ARHGDIB: variants seen among roughly 807,000 people sequenced by gnomAD.
ARHGDIB encodes Rho GDP dissociation inhibitor beta, also known as rho GDP-dissociation inhibitor 2.
In ARHGDIB, 20 loss-of-function variants were observed where a neutral mutation model predicts 22.6. The observed-to-expected ratio is 0.88, with a 90% CI of 0.62 to 1.28. The LOEUF (loss-of-function observed/expected upper bound fraction) is 1.28, where lower values mean the gene tolerates loss of function less well. Ranked by LOEUF, ARHGDIB falls within the 50% of genes most tolerant of loss-of-function variation. The probability of loss-of-function intolerance (pLI) is 0.00; values close to 1 mark genes in which losing one functional copy is unlikely to be tolerated. For missense variants in ARHGDIB, 254 were observed against 245.4 expected, an observed-to-expected ratio of 1.04 and a Z score of -0.23; for synonymous variants, 114 against 96.1, an observed-to-expected ratio of 1.19 and a Z score of -1.09.
At chr12:14,954,185 C>G (rs1864248447) in intron 1 of ARHGDIB, among the ~76,000 whole-genome samples, 1 of 152,070 alleles carries the variant, frequency 6.6e-6, no homozygotes, top group African/African-American at 2.4e-5. Flanking sequence ...CCCCATTTTG[C>G]CCAGGCTGGT....
In ARHGDIB at chr12:14,944,858, C is replaced by A. The variant is rs1429460950; in HGVS notation, c.343-19G>T. The stretch of plus-strand genomic sequence containing the variant: ...TGTTCACCTGCAGGTGGGAAGGAAC[C>A]AAGATGTTCAGATTAAGAGGGTCTT... On this transcript the variant is annotated intron_variant, in intron 4 of 5. Transcript: ENST00000228945. 6 of 1,609,832 alleles carry A rather than the reference C, an allele frequency of 3.7e-6. No homozygotes were observed. Among genetic ancestry groups the A allele is most frequent in the Non-Finnish European group, 5.1e-6 (6 of 1,177,196 alleles).
At chr12:14,948,108 A>G (rs1264932462) in intron 3 of ARHGDIB, among the ~76,000 whole-genome samples, 159 bp from the exon 4 acceptor site, 6 of 115,360 alleles carry the variant, frequency 5.2e-5, no homozygotes, top group Non-Finnish European at 8.6e-5. Context: ...TTGCACACAC[A>G]CACACACACA....
intron 1 of ARHGDIB, among the ~76,000 whole-genome samples, chr12:14,952,384 T>A (rs1468890): frequency 0.24 from 36,261 of 151,874 alleles, 4,496 homozygotes; most frequent in Middle Eastern, 0.3. Flanking sequence ...TGACCAACTC[T>A]GAAAACAGCA....
At chr12:14,955,587 A>G (rs1340638692) in intron 1 of ARHGDIB, among the ~76,000 whole-genome samples, 2 of 152,108 alleles carry the variant, frequency 1.3e-5, no homozygotes, top group African/African-American at 2.4e-5. Context: ...CCTAAAATCT[A>G]CTCTTCAGCA....
chr12:14,945,478 G>A (rs1016656492), intron 4 of ARHGDIB, among the ~76,000 whole-genome samples: 9 of 152,176 alleles, frequency 5.9e-5, no homozygotes, highest in African/African-American at 1.4e-4. Flanking sequence ...ATTCAGTAAC[G>A]CAGAATGAAA....
At chr12:14,953,941 C>CCTTCCTTT (rs1410968352) in intron 1 of ARHGDIB, among the ~76,000 whole-genome samples, 6 of 147,868 alleles carry the variant, frequency 4.1e-5, no homozygotes, top group Non-Finnish European at 7.5e-5. Context: ...TTCCTTCCTT[C>CCTTCCTTT]CTTCCTTTCT....
intron 1 of ARHGDIB, among the ~76,000 whole-genome samples, chr12:14,956,617 T>C (rs1232209018): frequency 2.0e-5 from 3 of 152,218 alleles, no homozygotes; most frequent in East Asian, 1.9e-4. Context: ...TGAACAGTTA[T>C]ATGTTTAACC....
intron 3 of ARHGDIB, among the ~76,000 whole-genome samples, chr12:14,949,433 A>T (rs568250892): frequency 6.6e-6 from 1 of 152,002 alleles, no homozygotes; most frequent in South Asian, 2.1e-4. Context: ...TGGATAGAAG[A>T]TCAATACTTT....
chr12:14,952,988 AGC>A (rs1864214748), intron 1 of ARHGDIB, among the ~76,000 whole-genome samples: 1 of 152,176 alleles, frequency 6.6e-6, no homozygotes, highest in African/African-American at 2.4e-5. Context: ...AGAGAAAGAG[AGC>A]GAGAGAGGGA....
At chr12:14,960,267 T>A (rs1476842739) in intron 1 of ARHGDIB, among the ~76,000 whole-genome samples, 1 of 152,196 alleles carries the variant, frequency 6.6e-6, no homozygotes, top group Non-Finnish European at 1.5e-5. Context: ...CAGATTATGT[T>A]TATGAAACAT....
chr12:14,942,219 T>C lies in ARHGDIB; in HGVS notation c.*303A>G, dbSNP rs1863878857. The C allele has an allele frequency of 1.5e-5, 5 of 336,974 alleles. No homozygotes were observed. The South Asian group carries it at 1.9e-4, about 13-fold the overall frequency. 20.9% of individuals were successfully genotyped at this position (336,974 alleles called of 1,614,324 possible). ...TGTTAGTGATAATTTGCCCATTTTC[T>C]GGCCTCTAGTTGCTTGAATAGGGGT... On this transcript the variant is annotated 3_prime_UTR_variant, in exon 6 of 6. Transcript: ENST00000228945.
intron 1 of ARHGDIB, among the ~76,000 whole-genome samples, chr12:14,952,895 G>A (rs1291996123): frequency 1.3e-5 from 2 of 152,194 alleles, no homozygotes; most frequent in Non-Finnish European, 2.9e-5. Flanking sequence ...TCCAGTCACT[G>A]GCTCAAGATG....
chr12:14,950,583 T>C lies in ARHGDIB; in HGVS notation c.130A>G (p.Ser44Gly). Residue 44 changes from serine to glycine, a missense_variant, in exon 2 of 6, where the codon AGT becomes GGT. Ser to Gly is a moderately conservative substitution (Grantham distance 56). Transcript: ENST00000228945. ...AGCGTTTTCTTGTACTTAATTAGAC[T>C]CTCATCATCTTTGTCCATTTCCTGC... ...ELQEMDKDDE[S>G]LIKYKKTLLG... 6.2e-7 allele frequency: 1 copy of C among 1,613,966 alleles called. No homozygotes were observed. Among genetic ancestry groups the C allele is most frequent in the South Asian group, 1.1e-5 (1 of 91,074 alleles).
intron 5 of ARHGDIB, among the ~76,000 whole-genome samples, chr12:14,942,924 G>A (rs370222161): frequency 8.6e-5 from 13 of 151,816 alleles, no homozygotes; most frequent in East Asian, 5.8e-4. Flanking sequence ...GCTGGAGTGC[G>A]GAAGCACAAT....
intron 4 of ARHGDIB, among the ~76,000 whole-genome samples, chr12:14,947,112 C>A (rs549326910): frequency 6.6e-5 from 10 of 152,312 alleles, no homozygotes; most frequent in Admixed American, 3.3e-4. Context: ...AGCCCAGGCC[C>A]TGGAGACTGA....
intron 1 of ARHGDIB, among the ~76,000 whole-genome samples, chr12:14,960,608 A>T (rs1183020606): frequency 6.6e-6 from 1 of 152,154 alleles, no homozygotes; most frequent in Non-Finnish European, 1.5e-5. Flanking sequence ...GGTTCAAGTG[A>T]TTCTCCTGCC....
rs760888228 is a variant in ARHGDIB, at chr12:14,942,573, G to C, written c.555C>G (p.Asp185Glu). The change falls in exon 6 of 6, where the codon GAC becomes GAG. Residue 185 changes from aspartate (D) to glutamate (E), a missense_variant. Coordinates refer to ENST00000228945, the MANE Select transcript of ARHGDIB (RefSeq NM_001175.7). ...KSFFTDDDKQ[D>E]HLSWEWNLSI... ...ACAGGTTCCACTCCCAGCTGAGGTG[G>C]TCTTGCTTGTCATCGTCGGTGAAGA... 6.2e-7 allele frequency: 1 copy of C among 1,614,146 alleles called. No homozygotes were observed. Among genetic ancestry groups the C allele is most frequent in the South Asian group, 1.1e-5 (1 of 91,076 alleles).
At chr12:14,947,724 G>T in intron 4 of ARHGDIB, 149 bp downstream of exon 4, 1 of 665,000 alleles carries the variant, frequency 1.5e-6, no homozygotes, top group Non-Finnish European at 2.6e-6. Flanking sequence ...GTAGCCCTCA[G>T]GGCTGGGAAG....
At chr12:14,953,424 G>C (rs1864226326) in intron 1 of ARHGDIB, among the ~76,000 whole-genome samples, 1 of 152,166 alleles carries the variant, frequency 6.6e-6, no homozygotes, top group Admixed American at 6.5e-5. Flanking sequence ...TTAGGGTCAT[G>C]ATTATTTGGT....
Sources: allele counts gnomAD v4.1 joint callset (sites outside exome capture counted in the v4.1 genomes callset), GRCh38; gene constraint gnomAD v4.1.1; transcripts MANE v1.5; gene names NCBI Gene and HGNC (gene_info 2026-07-23, HGNC 2026-07-21).